C6orf52: variants seen among roughly 807,000 people sequenced by gnomAD.
C6orf52 encodes the protein putative uncharacterized protein C6orf52.
A neutral mutation model predicts 16.6 loss-of-function variants in C6orf52; 16 were observed. That is an observed-to-expected ratio of 0.96 (90% CI 0.65 to 1.46). The LOEUF (loss-of-function observed/expected upper bound fraction) is 1.46. C6orf52 is among the 40% of genes most tolerant of loss of function. C6orf52 has a pLI of 0.00. For missense variants in C6orf52, 166 were observed against 182.3 expected, an observed-to-expected ratio of 0.91 and a Z score of 0.52; for synonymous variants, 53 against 61.4, an observed-to-expected ratio of 0.86 and a Z score of 0.64.
chr6:10,680,781 C>T (rs1447859926), intron 4 of C6orf52, among the ~76,000 whole-genome samples: 1 of 152,082 alleles, frequency 6.6e-6, no homozygotes, highest in Non-Finnish European at 1.5e-5. Flanking sequence ...AACAGGCCAT[C>T]AGGACCTGGG....
intron 1 of C6orf52, among the ~76,000 whole-genome samples, chr6:10,693,674 C>A (rs1279934062): frequency 2.0e-5 from 3 of 152,204 alleles, no homozygotes. Flanking sequence ...CTGTTGGGAG[C>A]TTGTAGGAAA....
chr6:10,683,243 A>G lies in C6orf52; in HGVS notation c.271-11T>C. 2 of 1,520,508 alleles carry G rather than the reference A, an allele frequency of 1.3e-6. No homozygotes were observed. The highest frequency in any genetic ancestry group is 1.8e-6 in the Non-Finnish European group (2 of 1,121,204). The allele number at this position is 1,520,508 out of a possible 1,614,324, so 94.2% of individuals were successfully genotyped here. A position where few individuals can be genotyped will look rare whatever the true frequency, so the allele number is the denominator to read the frequency against. On this transcript the variant is annotated splice_polypyrimidine_tract_variant and intron_variant, in intron 3 of 4. Transcript: ENST00000259983. The stretch of plus-strand genomic sequence containing the variant: ...TAGAGGTGTGGTTTCCTGCAACAAA[A>G]TATTATCTCATGAGAAAATAATTTT...
chr6:10,679,124 T>C (rs191489519), intron 4 of C6orf52, among the ~76,000 whole-genome samples: 1 of 151,350 alleles, frequency 6.6e-6, no homozygotes, highest in Non-Finnish European at 1.5e-5. Flanking sequence ...CAAATTTGTT[T>C]ACAATGTAAA....
chr6:10,676,949 T>C (rs1767950869), intron 4 of C6orf52, among the ~76,000 whole-genome samples: 1 of 152,216 alleles, frequency 6.6e-6, no homozygotes, highest in South Asian at 2.1e-4. Context: ...GTGCAAATAT[T>C]TTCTCCCACT....
intron 4 of C6orf52, 83 bp from the exon 5 acceptor site, chr6:10,671,681 A>G: frequency 1.1e-6 from 1 of 930,290 alleles, no homozygotes; most frequent in Non-Finnish European, 1.5e-6. Context: ...GAAAGCTTTT[A>G]GAAAGCATTT....
At position 10,675,393 on chromosome 6, in the gene C6orf52, TTGTGTATA is replaced by T. The variant is rs1561866532; in HGVS notation, c.317-3803_317-3796del. Among the ~76,000 whole-genome samples, 6 of 152,236 alleles carry T rather than the reference TTGTGTATA, an allele frequency of 3.9e-5. No individual in the cohort carries two copies. The South Asian group carries it at 1.2e-3, about 32-fold the overall frequency. ...CTTTTTACAGTTGAATAGTATTCTATTGTGTATATACGCATTTTCTTTATCCATTCATC... is the reference window on the plus strand; with the variant it reads ...CTTTTTACAGTTGAATAGTATTCTATTACGCATTTTCTTTATCCATTCATC... On this transcript the variant is annotated intron_variant, in intron 4 of 4. Coordinates refer to ENST00000259983, the MANE Select transcript of C6orf52 (RefSeq NM_001145020.3).
chr6:10,676,365 CT>C (rs1186291666), intron 4 of C6orf52, among the ~76,000 whole-genome samples: 1 of 152,148 alleles, frequency 6.6e-6, no homozygotes, highest in Non-Finnish European at 1.5e-5. Flanking sequence ...TAAGGTTTTG[CT>C]TTTCATGAAC....
chr6:10,689,838 C>G (rs6925668), intron 1 of C6orf52, among the ~76,000 whole-genome samples: 5,508 of 152,316 alleles, frequency 0.036, 324 homozygotes, highest in African/African-American at 0.12. Context: ...TAGCACTAGA[C>G]TGGCCTACCG....
intron 4 of C6orf52, chr6:10,674,873 G>C (rs1008393944): frequency 2.7e-5 from 4 of 150,642 alleles, no homozygotes; most frequent in African/African-American, 7.4e-5. Flanking sequence ...GCAATGGTGC[G>C]ATCTCAGCTG....
At chr6:10,676,969 G>A (rs1767953280) in intron 4 of C6orf52, among the ~76,000 whole-genome samples, 2 of 152,178 alleles carry the variant, frequency 1.3e-5, no homozygotes, top group African/African-American at 4.8e-5. Context: ...TCCGTTGTCT[G>A]TCTTCACTCT....
At chr6:10,671,886 A>G (rs1354010359) in intron 4 of C6orf52, among the ~76,000 whole-genome samples, 1 of 152,170 alleles carries the variant, frequency 6.6e-6, no homozygotes, top group African/African-American at 2.4e-5. Flanking sequence ...ATTTGGGAGG[A>G]AAGGGGAAAA....
At chr6:10,674,123 T>C (rs1441392773) in intron 4 of C6orf52, among the ~76,000 whole-genome samples, 1 of 152,158 alleles carries the variant, frequency 6.6e-6, no homozygotes, top group African/African-American at 2.4e-5. Context: ...CCAGAAGTCA[T>C]GTCTTCACAT....
At chr6:10,673,508 T>C (rs1044459909) in intron 4 of C6orf52, among the ~76,000 whole-genome samples, 14 of 152,164 alleles carry the variant, frequency 9.2e-5, no homozygotes, top group African/African-American at 1.4e-4. Flanking sequence ...ATACACCACA[T>C]TGAAAGCAGA....
chr6:10,694,612 A>ATATGTGT lies in C6orf52; in HGVS notation c.-131_-130insACACATA. ...CTACAGCCCCTAAGCAACCGGCCGGAAGTCGGCCCCACCTCCTCCTGATGT... is the reference window on the plus strand; with the variant it reads ...CTACAGCCCCTAAGCAACCGGCCGGATATGTGTAGTCGGCCCCACCTCCTCCTGATGT... On this transcript the variant is annotated 5_prime_UTR_variant, in exon 1 of 5. Coordinates refer to ENST00000259983, the MANE Select transcript of C6orf52 (RefSeq NM_001145020.3). 5.5e-6 allele frequency: 1 copy of ATATGTGT among 183,296 alleles called. No individual in the cohort carries two copies. Among genetic ancestry groups the ATATGTGT allele is most frequent in the South Asian group, 9.7e-5 (1 of 10,270 alleles). The allele number at this position is 183,296 out of a possible 1,614,324, so 11.4% of individuals were successfully genotyped here. A position where few individuals can be genotyped will look rare whatever the true frequency, so the allele number is the denominator to read the frequency against.
At chr6:10,681,073 G>C (rs1768345451) in intron 4 of C6orf52, among the ~76,000 whole-genome samples, 1 of 152,154 alleles carries the variant, frequency 6.6e-6, no homozygotes. Flanking sequence ...AAGTGCTTGG[G>C]ATTATAGGCA....
chr6:10,676,000 C>T (rs1041363082), intron 4 of C6orf52, among the ~76,000 whole-genome samples: 9 of 149,540 alleles, frequency 6.0e-5, no homozygotes, highest in Non-Finnish European at 1.0e-4. Context: ...GGCGTGGTGG[C>T]GAGTGCCTGT....
chr6:10,674,181 G>C (rs931148164), intron 4 of C6orf52, among the ~76,000 whole-genome samples: 1 of 151,994 alleles, frequency 6.6e-6, no homozygotes, highest in Non-Finnish European at 1.5e-5. Flanking sequence ...CTTTTATAAG[G>C]TCACCATTTC....
At chr6:10,676,333 T>C (rs1767878626) in intron 4 of C6orf52, among the ~76,000 whole-genome samples, 1 of 152,172 alleles carries the variant, frequency 6.6e-6, no homozygotes, top group Non-Finnish European at 1.5e-5. Context: ...AAAGAAATTA[T>C]TTAGGGTAAG....
At chr6:10,672,495 G>A in intron 4 of C6orf52, 2 of 675,260 alleles carry the variant, frequency 3.0e-6, no homozygotes, top group South Asian at 3.2e-5. Flanking sequence ...TGGTCTGACA[G>A]AAGTAGTGCC....
Sources: gnomAD v4.1 joint callset for allele counts (sites outside exome capture counted in the v4.1 genomes callset) on GRCh38, gnomAD v4.1.1 for gene constraint, MANE v1.5 for transcripts, NCBI Gene and HGNC (gene_info 2026-07-23, HGNC 2026-07-21) for gene names.